Variants in TCHH observed in about 807,000 individuals in gnomAD.
TCHH encodes the protein trichohyalin.
A neutral mutation model predicts 6.3 loss-of-function variants in TCHH; 6 were observed. That is an observed-to-expected ratio of 0.95 (90% confidence interval 0.52 to 1.88). The LOEUF (loss-of-function observed/expected upper bound fraction) is 1.88. Among genes scored for constraint, TCHH ranks in the 40% most tolerant of loss-of-function variants. TCHH has a pLI of 0.01. For missense variants in TCHH, 2,920 were observed against 2,449.1 expected, an observed-to-expected ratio of 1.19 and a Z score of -4.06; for synonymous variants, 1,087 against 963.6, an observed-to-expected ratio of 1.13 and a Z score of -2.37.
At position 152,111,534 on chromosome 1, in the gene TCHH, C is replaced by T. The variant is rs764206382; in HGVS notation, c.1683G>A (p.Glu561=). 6.3e-7 allele frequency: 1 copy of T among 1,598,436 alleles called. No homozygotes were observed. Residue 561 remains glutamate, a synonymous_variant, in exon 3 of 3, where the codon GAG becomes GAA. Coordinates refer to ENST00000614923, the MANE Select transcript of TCHH (RefSeq NM_007113.4). ...CGCGCTTCAGCCGCTGCTCTCGCCT[C>T]TCCTGCTCGAGCCTCTTCTCCTCCT... The part of the protein sequence containing the change: ...KREEEKRLEQ[E]RREQRLKREQ...
rs772443616 is a variant in TCHH at position 152,110,093 on chromosome 1, T to G, written c.3124A>C (p.Arg1042=). ...QLLREEREKR[R]LQERERQYRE... ...TATTGCCTCTCCCGCTCCTGGAGTC[T>G]TCTTTTCTCCCGTTCCTCTCTCAGC... The change falls in exon 3 of 3, where the codon AGA becomes CGA. Residue 1042 remains arginine (R), a synonymous_variant. Coordinates refer to ENST00000614923, the MANE Select transcript of TCHH (RefSeq NM_007113.4). The G allele has an allele frequency of 6.8e-6, 11 of 1,609,744 alleles. No homozygotes were observed. Among genetic ancestry groups the G allele is most frequent in the South Asian group, 6.6e-5 (6 of 90,864 alleles).
intron 2 of TCHH, 40 bp downstream of exon 2, chr1:152,113,903 G>C (rs770319780): frequency 6.3e-7 from 1 of 1,596,742 alleles, no homozygotes; most frequent in East Asian, 2.2e-5. Flanking sequence ...AAATCTCATA[G>C]CCTCAAGTCA....
chr1:152,110,300 G>T lies in TCHH; in HGVS notation c.2917C>A (p.Leu973Met), dbSNP rs975130977. ...CTCTTCTCCGGTTCCTCTCCCAGCA[G>T]CTGCTCTTCCTTCTGCTGCAGCTTC... ...DKKLQQKEEQLLGEEPEKRRR... is the reference protein window; with the variant it reads ...DKKLQQKEEQMLGEEPEKRRR... Residue 973 changes from leucine (L) to methionine (M), a missense_variant, in exon 3 of 3, where the codon CTG (leucine) becomes ATG (methionine). Coordinates refer to ENST00000614923, the MANE Select transcript of TCHH (RefSeq NM_007113.4). 1.2e-6 allele frequency: 2 copies of T among 1,610,836 alleles called. No homozygotes were observed. Among genetic ancestry groups the T allele is most frequent in the Non-Finnish European group, 1.7e-6 (2 of 1,178,906 alleles).
In TCHH at chr1:152,107,388, A is replaced by G; in HGVS notation, c.5829T>C (p.Pro1943=). Residue 1943 remains proline (P), a synonymous_variant, in exon 3 of 3, where the codon CCT becomes CCC. Coordinates refer to ENST00000614923, the MANE Select transcript of TCHH (RefSeq NM_007113.4). The part of the protein sequence containing the change: ...YIQEQRSQYR[P] ...GTCAAGATATTGGCAACATCACTTA[A>G]GGGCGGTATTGAGATCTCTGCTCTT... 6.4e-7 allele frequency: 1 copy of G among 1,551,064 alleles called. No homozygotes were observed.
chr1:152,107,894 C>A lies in TCHH; in HGVS notation c.5323G>T (p.Glu1775Ter), dbSNP rs761222663. 3 of 1,613,592 alleles carry A rather than the reference C, an allele frequency of 1.9e-6. No individual in the cohort carries two copies. The highest frequency in any genetic ancestry group is 1.1e-5 in the South Asian group (1 of 91,042). Residue 1775 changes from glutamate to a stop codon, truncating the protein, a stop_gained, in exon 3 of 3, where the codon GAG becomes TAG. Transcript: ENST00000614923. LOFTEE classifies it low-confidence loss of function (END_TRUNC). ...CTCTCCTGGCGGAGCTGTTCCTCCT[C>A]GCGGAATTTTCTGTCGCGCTCCTGG... ...RRQERDRKFR[E>*]EEQLRQEREE...
rs1300293650 is a variant in TCHH, at chr1:152,107,602, C to T, written c.5615G>A (p.Arg1872His). ...TAATTTCCTTTCCCGTTCCTGGCGA[C>T]GTTTCTGCTCCTCTTCTTGCCATAG... The part of the protein sequence containing the change: ...QELWQEEEQK[R>H]RQERERKLRE... The change falls in exon 3 of 3, where the codon CGT becomes CAT. Residue 1872 changes from arginine (R) to histidine (H), a missense_variant. Coordinates refer to ENST00000614923, the MANE Select transcript of TCHH (RefSeq NM_007113.4). The T allele has an allele frequency of 1.9e-6, 3 of 1,614,098 alleles. No homozygotes were observed. Among genetic ancestry groups the T allele is most frequent in the Non-Finnish European group, 2.5e-6 (3 of 1,180,008 alleles).
chr1:152,114,216 C>A (rs1488559451), intron 1 of TCHH, 105 bp from the exon 2 acceptor site: 2 of 776,960 alleles, frequency 2.6e-6, no homozygotes, highest in South Asian at 2.2e-5. Context: ...GAATTTATAG[C>A]GGTAATTTCA....
In TCHH at chr1:152,109,659, C is replaced by T. The variant is rs770936429; in HGVS notation, c.3558G>A (p.Glu1186=). 1.9e-6 allele frequency: 3 copies of T among 1,608,066 alleles called. No homozygotes were observed. Among genetic ancestry groups the T allele is most frequent in the East Asian group, 2.2e-5 (1 of 44,542 alleles). ...LQQEEEQLLR[E]EQEKRRQERE... ...GCTCCTGGCGCCTTTTCTCCTGTTC[C>T]TCTCTCAGCAGCTGCTCTTCCTCCT... Residue 1186 remains glutamate (E), a synonymous_variant, in exon 3 of 3, where the codon GAG becomes GAA. Coordinates refer to ENST00000614923, the MANE Select transcript of TCHH (RefSeq NM_007113.4).
In TCHH at chr1:152,108,191, G is replaced by A. The variant is rs774156732; in HGVS notation, c.5026C>T (p.Leu1676Phe). 8 of 1,610,798 alleles carry A rather than the reference G, an allele frequency of 5.0e-6. No individual in the cohort carries two copies. In the South Asian group the frequency reaches 7.7e-5, roughly 16 times the overall value. The change falls in exon 3 of 3, where the codon CTC becomes TTC. Residue 1676 changes from leucine (L) to phenylalanine (F), a missense_variant. Leu to Phe is a conservative substitution (Grantham distance 22). Coordinates refer to ENST00000614923, the MANE Select transcript of TCHH (RefSeq NM_007113.4). ...DRKFREEEQL[L>F]QEGEEQQLRR... The stretch of plus-strand genomic sequence containing the variant: ...AGCTGCTGTTCCTCCCCTTCCTGGA[G>A]CAGCTGTTCCTCTTCACGGAATTTT...
Position 152,107,676 on chromosome 1 carries a change from CG to C in TCHH, c.5540del (p.Ala1847GlyfsTer55). 6.2e-7 allele frequency: 1 copy of C among 1,612,828 alleles called. No individual in the cohort carries two copies. The highest frequency in any genetic ancestry group is 8.5e-7 in the Non-Finnish European group (1 of 1,180,024). ...TCTCCTGCGTGGCAAACTGCTCCTC[CG>C]CCCGGTACTGCCGGTCTCGCTCCTG... Reference protein sequence around the residue: ...LRQERDRQYRAEEQFATQEKS... With the variant: ...LRQERDRQYRXEEQFATQEKS... On this transcript the variant is annotated frameshift_variant, in exon 3 of 3. Coordinates refer to ENST00000614923, the MANE Select transcript of TCHH (RefSeq NM_007113.4). LOFTEE classifies it low-confidence loss of function (END_TRUNC).
rs1333958642 is a variant in TCHH, at chr1:152,112,707, G to C, written c.510C>G (p.Asp170Glu). Residue 170 changes from aspartate (D) to glutamate (E), a missense_variant, in exon 3 of 3, where the codon GAC (aspartate) becomes GAG (glutamate). Physicochemically the swap from Asp to Glu is conservative, Grantham distance 45. Transcript: ENST00000614923. The stretch of plus-strand genomic sequence containing the variant: ...CTTGCCTTTGCCGCCACAGCTCCTC[G>C]TCGCGGCGCTGCCTGTCGCGCTGTT... ...RLEQRDRQRR[D>E]EELWRQRQEW... The C allele has an allele frequency of 1.2e-6, 2 of 1,613,926 alleles. No individual in the cohort carries two copies. Among genetic ancestry groups the C allele is most frequent in the African/African-American group, 1.3e-5 (1 of 74,870 alleles).
chr1:152,113,881 T>C, intron 2 of TCHH, 62 bp downstream of exon 2: 1 of 1,576,050 alleles, frequency 6.3e-7, no homozygotes, highest in Non-Finnish European at 8.6e-7. Flanking sequence ...TGCTCTGGTC[T>C]CCTCTGAGAA....
chr1:152,112,678 C>CA lies in TCHH; in HGVS notation c.538dup (p.Trp180LeufsTer23), dbSNP rs1235708198. The CA allele has an allele frequency of 6.2e-7, 1 of 1,614,080 alleles. No individual in the cohort carries two copies. The highest frequency in any genetic ancestry group is 8.5e-7 in the Non-Finnish European group (1 of 1,180,030). On this transcript the variant is annotated frameshift_variant, in exon 3 of 3. Transcript: ENST00000614923. LOFTEE classifies it low-confidence loss of function (END_TRUNC). Reference sequence around the variant, plus strand: ...TGCACGGCGCTCTTCCCGTTCTTGCCATTCTTGCCTTTGCCGCCACAGCTC... The same window carrying CA: ...TGCACGGCGCTCTTCCCGTTCTTGCCAATTCTTGCCTTTGCCGCCACAGCTC...
chr1:152,109,223 G>GACGGCGTCTCTTC lies in TCHH; in HGVS notation c.3981_3993dup (p.Gln1332GlufsTer32). The GACGGCGTCTCTTC allele has an allele frequency of 6.2e-7, 1 of 1,614,220 alleles. No homozygotes were observed. ...TCGCGGAATTTTCTGTCTGTCTCTT[G>GACGGCGTCTCTTC]ACGGCGTCTCTTCTCTTCTCTTTCC... On this transcript the variant is annotated frameshift_variant, in exon 3 of 3. Transcript: ENST00000614923. LOFTEE classifies it low-confidence loss of function (END_TRUNC).
intron 2 of TCHH, 75 bp downstream of exon 2, chr1:152,113,868 C>T (rs1658447093): frequency 6.5e-7 from 1 of 1,540,634 alleles, no homozygotes; most frequent in Non-Finnish European, 8.8e-7. Flanking sequence ...AACCACCATT[C>T]CTTGCTCTGG....
chr1:152,111,564 C>T lies in TCHH; in HGVS notation c.1653G>A (p.Lys551=), dbSNP rs746306420. 7 of 1,600,520 alleles carry T rather than the reference C, an allele frequency of 4.4e-6. No individual in the cohort carries two copies. Among genetic ancestry groups the T allele is most frequent in the Non-Finnish European group, 6.0e-6 (7 of 1,170,174 alleles). The change falls in exon 3 of 3, where the codon AAG becomes AAA. Residue 551 remains lysine (K), a synonymous_variant. Coordinates refer to ENST00000614923, the MANE Select transcript of TCHH (RefSeq NM_007113.4). Reference sequence around the variant, plus strand: ...GCTCGAGCCTCTTCTCCTCCTCGCGCTTCAGCAGCTGCTCGCGCCTCTCCT... The same window carrying T: ...GCTCGAGCCTCTTCTCCTCCTCGCGTTTCAGCAGCTGCTCGCGCCTCTCCT... The part of the protein sequence containing the change: ...EQEERREQLL[K]REEEKRLEQE...
At position 152,111,116 on chromosome 1, in the gene TCHH, TGCG is replaced by T. The variant is rs1658325424; in HGVS notation, c.2098_2100del (p.Arg700del). On this transcript the variant is annotated inframe_deletion, in exon 3 of 3. Transcript: ENST00000614923. ...TCTAGCTGCCACTGCCACTTCGGGA[TGCG>T]GCTCTTAATCCGCTCCCGGGCCTGT... The T allele has an allele frequency of 6.2e-7, 1 of 1,613,634 alleles. No homozygotes were observed. The highest frequency in any genetic ancestry group is 1.1e-5 in the South Asian group (1 of 91,084).
In TCHH at chr1:152,110,698, A is replaced by G; in HGVS notation, c.2519T>C (p.Leu840Pro). ...CTGTTGGGCACGCTCCCGCCGCTGG[A>G]GCTGCTCCTCTTCCTCCAGGAACTG... The part of the protein sequence containing the change: ...ELQFLEEEEQ[L>P]QRRERAQQLQ... Residue 840 changes from leucine (L) to proline (P), a missense_variant, in exon 3 of 3, where the codon CTC becomes CCC. Coordinates refer to ENST00000614923, the MANE Select transcript of TCHH (RefSeq NM_007113.4). 1 of 1,611,720 alleles carries G rather than the reference A, an allele frequency of 6.2e-7. No homozygotes were observed. The highest frequency in any genetic ancestry group is 8.5e-7 in the Non-Finnish European group (1 of 1,179,768).
At position 152,109,143 on chromosome 1, in the gene TCHH, A is replaced by C. The variant is rs369378328; in HGVS notation, c.4074T>G (p.Arg1358=). ...REEQPLRRQE[R]DRKFREEELR... Reference sequence around the variant, plus strand: ...GTTCCTCTTCGCGGAATTTTCTGTCACGCTCTTGGCGGCGCAGCGGCTGTT... The same window carrying C: ...GTTCCTCTTCGCGGAATTTTCTGTCCCGCTCTTGGCGGCGCAGCGGCTGTT... Residue 1358 remains arginine (R), a synonymous_variant, in exon 3 of 3, where the codon CGT becomes CGG. Transcript: ENST00000614923. 3.4e-5 allele frequency: 54 copies of C among 1,611,242 alleles called. No homozygotes were observed. The African/African-American group carries it at 6.9e-4, about 21-fold the overall frequency.
Sources: allele counts gnomAD v4.1 joint callset, GRCh38; gene constraint gnomAD v4.1.1; transcripts MANE v1.5; gene names NCBI Gene and HGNC (gene_info 2026-07-23, HGNC 2026-07-21).